Variants in XKR9 observed in about 807,000 individuals in gnomAD.
XKR9 encodes XK related 9, also known as XK-related protein 9.
XKR9 carries 32 observed loss-of-function variants against 32.0 expected under a neutral mutation model. That is an observed-to-expected ratio of 1.00 (90% confidence interval 0.76 to 1.34). The LOEUF is 1.34. Ranked by LOEUF, XKR9 falls within the 40% of genes most tolerant of loss-of-function variation. The pLI, the probability that XKR9 is intolerant of heterozygous loss-of-function variation, is 0.00. For synonymous variants in XKR9, 168 were observed against 143.4 expected (o/e 1.17, Z -1.22); for missense variants, 546 against 429.7 (o/e 1.27, Z -2.39).
the XKR9 span, among the ~76,000 whole-genome samples, chr8:70,867,146 G>C: frequency 6.6e-6 from 1 of 152,168 alleles, no homozygotes; most frequent in Non-Finnish European, 1.5e-5. Context: ...GGAGGAGCAA[G>C]TCACATCTTA....
At chr8:71,034,277 G>A in the XKR9 span, among the ~76,000 whole-genome samples, 1 of 152,108 alleles carries the variant, frequency 6.6e-6, no homozygotes, top group Non-Finnish European at 1.5e-5. Flanking sequence ...CATGAGATCC[G>A]ATGGTTTTAT....
chr8:70,956,926 G>A, the XKR9 span, among the ~76,000 whole-genome samples: 1,508 of 152,278 alleles, frequency 9.9e-3, 23 homozygotes, highest in African/African-American at 0.034. Context: ...GGCTGCAACA[G>A]TGCCAGGGAG....
At chr8:70,904,206 G>C in the XKR9 span, among the ~76,000 whole-genome samples, 1 of 152,116 alleles carries the variant, frequency 6.6e-6, no homozygotes, top group African/African-American at 2.4e-5. Context: ...TCTGTCTAAT[G>C]ACAGTGGGGT....
At chr8:70,921,952 A>C in the XKR9 span, among the ~76,000 whole-genome samples, 1 of 152,202 alleles carries the variant, frequency 6.6e-6, no homozygotes, top group Admixed American at 6.5e-5. Flanking sequence ...CTAAATATAC[A>C]TGATGATATC....
chr8:70,906,992 C>A, the XKR9 span, among the ~76,000 whole-genome samples: 1 of 152,074 alleles, frequency 6.6e-6, no homozygotes, highest in Non-Finnish European at 1.5e-5. Context: ...CATTATTACT[C>A]CCCAATTTCA....
At chr8:70,708,198 GGGTTCTATATGATAC>G (rs1332322274) in intron 4 of XKR9, among the ~76,000 whole-genome samples, 4 of 151,932 alleles carry the variant, frequency 2.6e-5, no homozygotes, top group African/African-American at 9.7e-5. Context: ...TTCATGGATT[GGGTTCTATATGATAC>G]GGAACCCTTA....
the XKR9 span, among the ~76,000 whole-genome samples, chr8:71,030,082 G>T: frequency 1.5e-4 from 23 of 152,080 alleles, no homozygotes; most frequent in Admixed American, 1.3e-3. Context: ...CCTAAGCCAG[G>T]AATCCCTCTA....
the XKR9 span, among the ~76,000 whole-genome samples, chr8:70,846,667 T>C: frequency 6.6e-6 from 1 of 151,830 alleles, no homozygotes; most frequent in Non-Finnish European, 1.5e-5. Context: ...ATATATGCAC[T>C]AAAAGCAAAG....
At chr8:70,685,746 A>AG (rs1819251124) in intron 3 of XKR9, among the ~76,000 whole-genome samples, 1 of 56,880 alleles carries the variant, frequency 1.8e-5, no homozygotes, top group Non-Finnish European at 3.1e-5. Flanking sequence ...GGGTGGGGGG[A>AG]GGGGGGAGGG....
At chr8:70,886,939 T>G in the XKR9 span, among the ~76,000 whole-genome samples, 1 of 152,308 alleles carries the variant, frequency 6.6e-6, no homozygotes, top group African/African-American at 2.4e-5. Flanking sequence ...CTTTTGGTGT[T>G]TTAGTCATGA....
downstream of XKR9, among the ~76,000 whole-genome samples, chr8:70,794,974 T>C (rs960780278): frequency 3.9e-5 from 6 of 152,070 alleles, no homozygotes; most frequent in African/African-American, 1.4e-4. Context: ...CTTTTTGTTG[T>C]TGTTTATTAT....
At chr8:70,700,966 C>T (rs779782862) in intron 3 of XKR9, among the ~76,000 whole-genome samples, 8 of 152,294 alleles carry the variant, frequency 5.3e-5, no homozygotes, top group Non-Finnish European at 1.0e-4. Context: ...AGCGAGACTC[C>T]GTGGGGCGTA....
the XKR9 span, among the ~76,000 whole-genome samples, chr8:71,032,421 A>G: frequency 6.6e-6 from 1 of 152,002 alleles, no homozygotes; most frequent in Non-Finnish European, 1.5e-5. Flanking sequence ...CTTCCTTATT[A>G]CATAAAATCA....
At chr8:70,859,047 C>G in the XKR9 span, among the ~76,000 whole-genome samples, 9 of 151,962 alleles carry the variant, frequency 5.9e-5, no homozygotes, top group East Asian at 1.5e-3. Flanking sequence ...GCAAAGGAAA[C>G]AACAAAGTGA....
At chr8:70,729,723 A>C (rs1247105555) in intron 4 of XKR9, among the ~76,000 whole-genome samples, 1 of 152,212 alleles carries the variant, frequency 6.6e-6, no homozygotes, top group African/African-American at 2.4e-5. Context: ...ATTATTAATG[A>C]CATCATATAC....
chr8:70,924,756 A>G, the XKR9 span, among the ~76,000 whole-genome samples: 2 of 152,250 alleles, frequency 1.3e-5, no homozygotes, highest in South Asian at 2.1e-4. Context: ...ACCCAGGACA[A>G]AAAGAGGGAC....
At chr8:70,739,665 G>A (rs1806931822), downstream of XKR9, among the ~76,000 whole-genome samples, 1 of 152,032 alleles carries the variant, frequency 6.6e-6, no homozygotes, top group African/African-American at 2.4e-5. Context: ...CAAGCTTGGT[G>A]GTGACAAAAT....
Position 70,788,970 on chromosome 8 carries a change from C to T in XKR9, n.353-369C>T, listed in dbSNP as rs578119163. 2.0e-5 allele frequency among the ~76,000 whole-genome samples: 3 copies of T among 152,104 alleles called. No homozygotes were observed. In the East Asian group the frequency reaches 5.8e-4, roughly 29 times the overall value. On this transcript the variant is annotated intron_variant and non_coding_transcript_variant, in intron 2 of 3. Coordinates refer to the XKR9 transcript ENST00000520273. ...TTGCTGATTGACTACTGGACTAATC[C>T]TTGTTTCATCTATCAAATATGAGAA...
At chr8:70,866,879 C>A in the XKR9 span, among the ~76,000 whole-genome samples, 4 of 152,122 alleles carry the variant, frequency 2.6e-5, no homozygotes, top group Admixed American at 6.6e-5. Context: ...TTATTTTTAA[C>A]CTTACAACAT....
Sources: allele counts gnomAD v4.1 joint callset (sites outside exome capture counted in the v4.1 genomes callset), GRCh38; gene constraint gnomAD v4.1.1; transcripts MANE v1.5; gene names NCBI Gene and HGNC (gene_info 2026-07-23, HGNC 2026-07-21).